The following LZTS2 variants were observed in gnomAD, a reference collection of about 807,000 sequenced individuals.
LZTS2 encodes the protein leucine zipper putative tumor suppressor 2.
In LZTS2, 32 loss-of-function variants were observed where a neutral mutation model predicts 60.6. The observed-to-expected ratio is 0.53, with a 90% CI of 0.40 to 0.71. The LOEUF (loss-of-function observed/expected upper bound fraction) is 0.71, where lower values mean the gene tolerates loss of function less well. LZTS2 is among the 30% of genes least tolerant of loss of function. The pLI, the probability that LZTS2 is intolerant of heterozygous loss-of-function variation, is 0.00. For synonymous variants in LZTS2, 360 were observed against 393.1 expected (o/e 0.92, Z 1.00); for missense variants, 792 against 901.9 (o/e 0.88, Z 1.56).
chr10:101,002,799 C>T (rs778758793), exon 1 of LZTS2: 2 of 1,613,876 alleles, frequency 1.2e-6, no homozygotes, highest in Admixed American at 1.7e-5. Context: ...CTGTCACCAG[C>T]TTCACCTACA....
chr10:101,005,323 ATTG>A (rs1357241152), intron 2 of LZTS2, 132 bp from the exon 4 acceptor site: 4 of 975,146 alleles, frequency 4.1e-6, no homozygotes, highest in African/African-American at 3.3e-5. Flanking sequence ...AGCAGTTAGT[ATTG>A]TTGTTGCAAT....
upstream of LZTS2, among the ~76,000 whole-genome samples, chr10:100,997,780 G>T (rs1024798326): frequency 6.6e-6 from 1 of 152,230 alleles, no homozygotes; most frequent in African/African-American, 2.4e-5. Flanking sequence ...CGTTTGCTTG[G>T]TCCCAGGCCG....
exon 3 of LZTS2, chr10:101,005,538 ACAGCGGGCC>A: frequency 6.2e-7 from 1 of 1,607,770 alleles, no homozygotes; most frequent in Non-Finnish European, 8.5e-7. Flanking sequence ...CACAGCGGGC[ACAGCGGGCC>A]CAACAGCTGC....
exon 4 of LZTS2, chr10:101,006,629 C>A: frequency 1.3e-6 from 2 of 1,595,138 alleles, no homozygotes; most frequent in Non-Finnish European, 1.7e-6. Flanking sequence ...CAGTGAGGGC[C>A]GTGCGCGGGG....
At chr10:101,007,548 C>G (rs1852254193) in exon 4 of LZTS2, 4 of 1,315,080 alleles carry the variant, frequency 3.0e-6, no homozygotes, top group Non-Finnish European at 4.0e-6. Context: ...CCAGAGAAAG[C>G]CAGATGGCAC....
chr10:100,999,472 A>G (rs2133959774), upstream of LZTS2: 1 of 152,366 alleles, frequency 6.6e-6, no homozygotes, highest in Non-Finnish European at 1.5e-5. Flanking sequence ...GCGGAGGGGG[A>G]GGGGCGGCCG....
exon 1 of LZTS2, chr10:101,002,403 T>C: frequency 2.6e-6 from 2 of 763,006 alleles, no homozygotes; most frequent in Non-Finnish European, 3.9e-6. Context: ...GGATCAGGGC[T>C]TGTTACTGAT....
rs2133985029 is a variant in LZTS2, at chr10:101,006,740, GGGCA to G, written c.1584_1587del (p.Gln529TrpfsTer81). ...AGCTGAGCAGCTGCGGGAGAAAGCTGGGCAGTTGGATGCTGAGGCGGCCGGACTC... is the reference window on the plus strand; with the variant it reads ...AGCTGAGCAGCTGCGGGAGAAAGCTGGTTGGATGCTGAGGCGGCCGGACTC... On this transcript the variant is annotated frameshift_variant, in exon 4 of 4. Transcript: ENST00000370220. LOFTEE classifies it high-confidence loss of function. 6.3e-7 allele frequency: 1 copy of G among 1,595,584 alleles called. No homozygotes were observed. Among genetic ancestry groups the G allele is most frequent in the Non-Finnish European group, 8.5e-7 (1 of 1,170,584 alleles).
chr10:101,002,506 G>A lies in LZTS2; in HGVS notation c.-33G>A, dbSNP rs372902819. On this transcript the variant is annotated 5_prime_UTR_variant, in exon 1 of 4. Transcript: ENST00000370220. Reference sequence around the variant, plus strand: ...ACTGCCCTGCTTACAGGTCGCCTGCGAGGCCGCTGGCCAGGCCTGAGCCTC... The same window carrying A: ...ACTGCCCTGCTTACAGGTCGCCTGCAAGGCCGCTGGCCAGGCCTGAGCCTC... The A allele has an allele frequency of 4.8e-5, 72 of 1,495,246 alleles. 1 individual carries two copies. Among genetic ancestry groups the A allele is most frequent in the African/African-American group, 4.5e-4 (32 of 71,152 alleles). 92.6% of individuals were successfully genotyped at this position (1,495,246 alleles called of 1,614,324 possible).
exon 2 of LZTS2, chr10:101,003,623 C>T: frequency 6.2e-7 from 1 of 1,603,432 alleles, no homozygotes; most frequent in South Asian, 1.1e-5. Flanking sequence ...TGTCTGGGAG[C>T]CAGGGCAGCC....
At chr10:101,005,036 T>C (rs1852140984) in intron 2 of LZTS2, among the ~76,000 whole-genome samples, 9 of 152,008 alleles carry the variant, frequency 5.9e-5, no homozygotes, top group Admixed American at 5.9e-4. Flanking sequence ...CAAGGTCTCA[T>C]TCTGTCACCC....
At chr10:101,002,979 A>G in intron 1 of LZTS2, 33 bp downstream of exon 2, 1 of 1,566,800 alleles carries the variant, frequency 6.4e-7, no homozygotes, top group Non-Finnish European at 8.6e-7. Flanking sequence ...GGGCCTGGGT[A>G]GAACGGGAGT....
chr10:100,996,891 T>TC (rs1320912199), upstream of LZTS2, among the ~76,000 whole-genome samples: 1 of 152,128 alleles, frequency 6.6e-6, no homozygotes, highest in Non-Finnish European at 1.5e-5. Flanking sequence ...CTCGCCCCCT[T>TC]CCCCAGGTCA....
exon 4 of LZTS2, chr10:101,006,909 GGGAGCGGCGGCGGGGTGA>G: frequency 1.3e-6 from 2 of 1,531,684 alleles, no homozygotes; most frequent in South Asian, 2.5e-5. Flanking sequence ...GAGCTGCAGC[GGGAGCGGCGGCGGGGTGA>G]GGAGCAGCGG....
chr10:101,005,221 C>T (rs377706659), intron 2 of LZTS2, among the ~76,000 whole-genome samples: 3 of 152,190 alleles, frequency 2.0e-5, no homozygotes, highest in South Asian at 2.1e-4. Flanking sequence ...AGGCTGGTCT[C>T]GAACTCCGGA....
At chr10:100,999,353 G>C (rs1196536154), upstream of LZTS2, 1 of 152,276 alleles carries the variant, frequency 6.6e-6, no homozygotes, top group Non-Finnish European at 1.5e-5. Context: ...CCTCCTACTC[G>C]GGCTAGGGCG....
chr10:101,001,820 C>T (rs893616403), exon 1 of LZTS2: 41 of 152,400 alleles, frequency 2.7e-4, no homozygotes, highest in African/African-American at 9.4e-4. Flanking sequence ...CAGGCCTCAC[C>T]GATTGGGTGT....
chr10:101,001,049 G>T (rs1179830414), exon 1 of LZTS2: 1 of 152,218 alleles, frequency 6.6e-6, no homozygotes, highest in Non-Finnish European at 1.5e-5. Context: ...AAGGAAACAG[G>T]CTCCCCCCAC....
exon 2 of LZTS2, chr10:101,003,690 G>A: frequency 1.2e-6 from 2 of 1,612,702 alleles, no homozygotes; most frequent in Non-Finnish European, 1.7e-6. Flanking sequence ...CTCCTCTTCA[G>A]CTGCTGACAA....
Sources: allele counts gnomAD v4.1 joint callset (sites outside exome capture counted in the v4.1 genomes callset), GRCh38; gene constraint gnomAD v4.1.1; transcripts MANE v1.5; gene names NCBI Gene and HGNC (gene_info 2026-07-23, HGNC 2026-07-21).